RBM45: variants seen among roughly 807,000 people sequenced by gnomAD.
The protein encoded by RBM45 is RNA-binding protein 45.
Under a neutral mutation model 58.5 loss-of-function variants are expected in RBM45, and 39 were observed. The ratio of observed to expected loss-of-function variants is 0.67; its 90% confidence interval spans 0.52 to 0.87. The LOEUF is 0.87. RBM45 is among the 40% of genes least tolerant of loss of function. The pLI is 0.00. For missense variants in RBM45, 481 were observed against 581.6 expected, an observed-to-expected ratio of 0.83 and a Z score of 1.78; for synonymous variants, 193 against 203.0, an observed-to-expected ratio of 0.95 and a Z score of 0.42.
chr2:178,133,011 G>A (rs909630447), downstream of RBM45, among the ~76,000 whole-genome samples: 1 of 152,156 alleles, frequency 6.6e-6, no homozygotes, highest in Non-Finnish European at 1.5e-5. Flanking sequence ...ATGATGGGGT[G>A]GTCAGTGGCA....
At chr2:178,127,552 G>A (rs1474715958) in intron 9 of RBM45, among the ~76,000 whole-genome samples, 3 of 152,004 alleles carry the variant, frequency 2.0e-5, no homozygotes, top group African/African-American at 7.3e-5. Context: ...GTGCCCATTG[G>A]GCCCATAATC....
chr2:178,117,865 C>T (rs950247982), intron 2 of RBM45, among the ~76,000 whole-genome samples, 190 bp from the exon 3 acceptor site: 4 of 152,192 alleles, frequency 2.6e-5, no homozygotes, highest in African/African-American at 9.6e-5. Flanking sequence ...TCTTTGATTT[C>T]TCTAAAGCCC....
chr2:178,120,058 G>GAAAGA (rs2087828416), intron 3 of RBM45, among the ~76,000 whole-genome samples: 1 of 152,156 alleles, frequency 6.6e-6, no homozygotes, highest in South Asian at 2.1e-4. Flanking sequence ...GCATAGAATT[G>GAAAGA]CTGATCTTTC....
chr2:178,114,361 A>G (rs963300374), intron 1 of RBM45, among the ~76,000 whole-genome samples: 1 of 152,138 alleles, frequency 6.6e-6, no homozygotes, highest in African/African-American at 2.4e-5. Flanking sequence ...CAGCCCAAAA[A>G]ACTGTCCCAT....
chr2:178,123,756 C>A, intron 6 of RBM45, 72 bp from the exon 7 acceptor site: 26 of 1,593,726 alleles, frequency 1.6e-5, no homozygotes, highest in Non-Finnish European at 2.1e-5. Flanking sequence ...GTGAGAAAGT[C>A]ACACAAAACA....
intron 6 of RBM45, 72 bp downstream of exon 6, chr2:178,123,723 A>C (rs2087888010): frequency 6.3e-7 from 1 of 1,589,108 alleles, no homozygotes. Context: ...GAAGAATAAA[A>C]ATAGAAACAA....
At chr2:178,120,556 G>T (rs2087836329) in intron 4 of RBM45, 147 bp downstream of exon 4, 1 of 650,554 alleles carries the variant, frequency 1.5e-6, no homozygotes, top group South Asian at 2.6e-5. Flanking sequence ...CTAAAATGTG[G>T]ATTATGACTC....
At chr2:178,130,723 A>G (rs1300887463), downstream of RBM45, among the ~76,000 whole-genome samples, 1 of 152,236 alleles carries the variant, frequency 6.6e-6, no homozygotes, top group Non-Finnish European at 1.5e-5. Flanking sequence ...TTATCTCCTC[A>G]TTATACTTCT....
downstream of RBM45, among the ~76,000 whole-genome samples, chr2:178,133,706 C>T (rs2088022444): frequency 6.6e-6 from 1 of 152,148 alleles, no homozygotes; most frequent in African/African-American, 2.4e-5. Context: ...GGCTTTGTTC[C>T]ATATGTGGAT....
chr2:178,117,314 C>T (rs1285988749), intron 2 of RBM45, among the ~76,000 whole-genome samples: 1 of 151,854 alleles, frequency 6.6e-6, no homozygotes. Flanking sequence ...TTTTTCTTTT[C>T]CTGAATGAAC....
intron 9 of RBM45, among the ~76,000 whole-genome samples, chr2:178,126,533 T>G (rs939916029): frequency 1.3e-5 from 2 of 152,226 alleles, no homozygotes; most frequent in Admixed American, 1.3e-4. Flanking sequence ...TCTAAAGATT[T>G]TTAACTTGAA....
At chr2:178,133,008 G>T (rs1036849399), downstream of RBM45, among the ~76,000 whole-genome samples, 2 of 152,170 alleles carry the variant, frequency 1.3e-5, no homozygotes, top group Admixed American at 1.3e-4. Flanking sequence ...GTTATGATGG[G>T]GTGGTCAGTG....
In RBM45 at chr2:178,123,636, G is replaced by T; in HGVS notation, c.968G>T (p.Gly323Val). 1 of 1,606,238 alleles carries T rather than the reference G, an allele frequency of 6.2e-7. No homozygotes were observed. Among genetic ancestry groups the T allele is most frequent in the Non-Finnish European group, 8.5e-7 (1 of 1,177,526 alleles). Reference sequence around the variant, plus strand: ...ATAGGTGTTTCCTTCATTGATGATGGAAGTAATGCAACAGAGTAAGTACCA... The same window carrying T: ...ATAGGTGTTTCCTTCATTGATGATGTAAGTAATGCAACAGAGTAAGTACCA... The part of the protein sequence containing the change: ...NRIGVSFIDD[G>V]SNATDLLRKM... Residue 323 changes from glycine to valine, a missense_variant, in exon 6 of 10, where the codon GGA (glycine) becomes GTA (valine). Coordinates refer to ENST00000286070, the MANE Select transcript of RBM45 (RefSeq NM_152945.4).
At chr2:178,127,712 A>G (rs1445830326) in intron 9 of RBM45, among the ~76,000 whole-genome samples, 1 of 152,256 alleles carries the variant, frequency 6.6e-6, no homozygotes. Context: ...TAAAATGTTA[A>G]GAATGAATTC....
chr2:178,133,553 C>CT (rs558525902), downstream of RBM45, among the ~76,000 whole-genome samples: 421 of 152,196 alleles, frequency 2.8e-3, 2 homozygotes, highest in Non-Finnish European at 4.8e-3. Flanking sequence ...AAAACGAATG[C>CT]TTTTTTGATG....
intron 2 of RBM45, among the ~76,000 whole-genome samples, chr2:178,117,052 A>C (rs907955134): frequency 6.6e-6 from 1 of 152,180 alleles, no homozygotes; most frequent in African/African-American, 2.4e-5. Flanking sequence ...GAGCTTTCAC[A>C]CAAATTATTA....
At chr2:178,128,658 G>A (rs2087967259) in intron 9 of RBM45, among the ~76,000 whole-genome samples, 1 of 152,138 alleles carries the variant, frequency 6.6e-6, no homozygotes, top group East Asian at 1.9e-4. Context: ...GAACTGTTAC[G>A]CATATTCAGG....
chr2:178,137,327 A>G (rs1371358101), exon 4 of RBM45: 2 of 152,232 alleles, frequency 1.3e-5, no homozygotes, highest in Non-Finnish European at 2.9e-5. Context: ...GACAGTATCT[A>G]CTAAAGTTGA....
At chr2:178,121,078 T>C (rs906222491) in intron 4 of RBM45, 102 bp from the exon 5 acceptor site, 3 of 559,854 alleles carry the variant, frequency 5.4e-6, no homozygotes, top group African/African-American at 2.0e-5. Flanking sequence ...ATACAGTGCC[T>C]TTATTCAGTA....
Sources: gnomAD v4.1 joint callset for allele counts (sites outside exome capture counted in the v4.1 genomes callset) on GRCh38, gnomAD v4.1.1 for gene constraint, MANE v1.5 for transcripts, NCBI Gene and HGNC (gene_info 2026-07-23, HGNC 2026-07-21) for gene names.